PSMD1: variants seen among roughly 807,000 people sequenced by gnomAD.
PSMD1 encodes the protein proteasome 26S subunit, non-ATPase 1.
A neutral mutation model predicts 119.0 loss-of-function variants in PSMD1; 18 were observed. That is an observed-to-expected ratio of 0.15 (90% CI 0.10 to 0.22). PSMD1 has a LOEUF of 0.22. Among genes scored for constraint, PSMD1 ranks in the 10% least tolerant of loss-of-function variants. The pLI, the probability that PSMD1 is intolerant of heterozygous loss-of-function variation, is 1.00. For synonymous variants in PSMD1, 374 were observed against 396.6 expected (o/e 0.94, Z 0.68); for missense variants, 702 against 1,158.5 (o/e 0.61, Z 5.72).
At chr2:231,150,334 G>A (rs1696345761) in intron 18 of PSMD1, among the ~76,000 whole-genome samples, 2 of 151,270 alleles carry the variant, frequency 1.3e-5, no homozygotes, top group Non-Finnish European at 2.9e-5. Context: ...GCGACACAGT[G>A]AGGCTGTCTC....
intron 16 of PSMD1, among the ~76,000 whole-genome samples, chr2:231,122,035 T>A (rs1695562645): frequency 6.6e-6 from 1 of 152,148 alleles, no homozygotes; most frequent in African/African-American, 2.4e-5. Context: ...TATTCAGAAT[T>A]AGGGTTATGT....
In PSMD1 at chr2:231,057,001, C is replaced by T. The variant is rs1207235610; in HGVS notation, c.-25C>T. ...TGCGCAGCTGGAACGGCGAGCGAGCCGACGGGCGAGTGAGGGGCGCAGCCA... is the reference window on the plus strand; with the variant it reads ...TGCGCAGCTGGAACGGCGAGCGAGCTGACGGGCGAGTGAGGGGCGCAGCCA... On this transcript the variant is annotated 5_prime_UTR_variant, in exon 1 of 25. Coordinates refer to ENST00000308696, the MANE Select transcript of PSMD1 (RefSeq NM_002807.4). 1.3e-6 allele frequency: 2 copies of T among 1,540,030 alleles called. No homozygotes were observed. Among genetic ancestry groups the T allele is most frequent in the Non-Finnish European group, 8.7e-7 (1 of 1,144,380 alleles).
At chr2:231,134,278 A>G (rs1410573342) in intron 16 of PSMD1, among the ~76,000 whole-genome samples, 1 of 152,078 alleles carries the variant, frequency 6.6e-6, no homozygotes, top group Non-Finnish European at 1.5e-5. Context: ...TAAAGATTCG[A>G]CTCCCAAAAT....
intron 9 of PSMD1, among the ~76,000 whole-genome samples, chr2:231,077,922 C>G (rs996446009): frequency 6.6e-6 from 1 of 152,108 alleles, no homozygotes; most frequent in Non-Finnish European, 1.5e-5. Context: ...ATCATATAGT[C>G]TCCATTCATG....
At position 231,070,109 on chromosome 2, in the gene PSMD1, A is replaced by C. The variant is rs539145363; in HGVS notation, c.595A>C (p.Arg199=). The change falls in exon 6 of 25, where the codon AGA becomes CGA. Residue 199 remains arginine (R), a synonymous_variant. Transcript: ENST00000308696. ...QNKQFRNKVL[R]VLVKIYMNLE... ...TAAACAGTTTCGGAATAAAGTACTA[A>C]GAGTTCTAGTTAAAATCTACATGAA... is the stretch of plus-strand genomic sequence containing the variant. The C allele has an allele frequency of 1.3e-6, 2 of 1,579,198 alleles. No homozygotes were observed. The highest frequency in any genetic ancestry group is 2.0e-5 in the Admixed American group (1 of 50,902).
Position 231,153,673 on chromosome 2 carries a change from GT to G in PSMD1, c.2218+12del. 6.4e-7 allele frequency: 1 copy of G among 1,556,924 alleles called. No homozygotes were observed. The highest frequency in any genetic ancestry group is 8.8e-7 in the Non-Finnish European group (1 of 1,134,950). On this transcript the variant is annotated splice_region_variant and intron_variant, in intron 19 of 24. Transcript: ENST00000308696. ...CAGGGCATACTGGATGCAGGTAAAT[GT>G]TTTTAAGTCTTCAAGATTTATTTAT...
At chr2:231,067,622 G>A (rs933213732) in intron 5 of PSMD1, among the ~76,000 whole-genome samples, 1 of 151,726 alleles carries the variant, frequency 6.6e-6, no homozygotes, top group Non-Finnish European at 1.5e-5. Flanking sequence ...ACCCTGCCTC[G>A]TTCCCCCTTC....
intron 16 of PSMD1, among the ~76,000 whole-genome samples, chr2:231,104,438 A>G (rs16827784): frequency 0.024 from 3,639 of 152,234 alleles, 150 homozygotes; most frequent in African/African-American, 0.084. Flanking sequence ...TCATAAAACG[A>G]ATCTTTAAGA....
intron 19 of PSMD1, among the ~76,000 whole-genome samples, chr2:231,159,757 C>T (rs1393575014): frequency 6.6e-6 from 1 of 152,170 alleles, no homozygotes; most frequent in African/African-American, 2.4e-5. Flanking sequence ...GGCAGCAGTC[C>T]ACAACCTTTT....
chr2:231,164,605 AGCT>A (rs1232427469), intron 21 of PSMD1, among the ~76,000 whole-genome samples: 3 of 152,100 alleles, frequency 2.0e-5, no homozygotes, highest in Admixed American at 6.6e-5. Flanking sequence ...TTGTTTCATC[AGCT>A]ATGTTTCAGA....
chr2:231,139,457 G>C (rs1233012075), intron 17 of PSMD1, among the ~76,000 whole-genome samples: 1 of 147,554 alleles, frequency 6.8e-6, no homozygotes, highest in East Asian at 2.0e-4. Context: ...ATGTTGCCCA[G>C]GCTGGTCTCA....
chr2:231,075,234 T>C (rs1233665854), intron 7 of PSMD1, among the ~76,000 whole-genome samples: 2 of 152,190 alleles, frequency 1.3e-5, no homozygotes, highest in African/African-American at 4.8e-5. Context: ...TACCTGACTG[T>C]GTTTTGTGAA....
chr2:231,093,620 T>C (rs1694653264), intron 16 of PSMD1, among the ~76,000 whole-genome samples: 1 of 152,196 alleles, frequency 6.6e-6, no homozygotes, highest in Non-Finnish European at 1.5e-5. Context: ...ACTATTTACA[T>C]TTTTCCATTA....
intron 16 of PSMD1, among the ~76,000 whole-genome samples, chr2:231,130,992 T>C (rs1015850944): frequency 6.6e-6 from 1 of 152,212 alleles, no homozygotes; most frequent in Non-Finnish European, 1.5e-5. Context: ...TACTAATGAT[T>C]TAATGTATTT....
chr2:231,058,170 C>T (rs1274834369), intron 1 of PSMD1, among the ~76,000 whole-genome samples: 2 of 152,144 alleles, frequency 1.3e-5, no homozygotes, highest in Non-Finnish European at 2.9e-5. Context: ...GAAGTTTTTC[C>T]AGTCAGAGCT....
chr2:231,143,724 C>T (rs998047798), intron 17 of PSMD1, among the ~76,000 whole-genome samples: 3 of 152,172 alleles, frequency 2.0e-5, no homozygotes, highest in Non-Finnish European at 4.4e-5. Flanking sequence ...ACAGTGTATA[C>T]ATATATTTTG....
Position 231,057,040 on chromosome 2 carries a change from C to G in PSMD1, c.15C>G (p.Ala5=). 1 of 1,531,472 alleles carries G rather than the reference C, an allele frequency of 6.5e-7. No individual in the cohort carries two copies. The highest frequency in any genetic ancestry group is 1.2e-5 in the South Asian group (1 of 83,336). 94.9% of individuals were successfully genotyped at this position (1,531,472 alleles called of 1,614,324 possible). The change falls in exon 1 of 25, where the codon GCC becomes GCG. Residue 5 remains alanine (A), a splice_region_variant and synonymous_variant. Coordinates refer to ENST00000308696, the MANE Select transcript of PSMD1 (RefSeq NM_002807.4). MITS[A]AGIISLLDED... ...GGGGCGCAGCCATGATCACCTCGGC[C>G]GGTGAGTGCGGCCCGTAGCCAGCGC...
At chr2:231,104,621 T>G (rs1694938018) in intron 16 of PSMD1, among the ~76,000 whole-genome samples, 1 of 151,918 alleles carries the variant, frequency 6.6e-6, no homozygotes, top group African/African-American at 2.4e-5. Context: ...AGTATTCACA[T>G]TTTTTTTAAA....
intron 1 of PSMD1, among the ~76,000 whole-genome samples, chr2:231,057,837 G>A (rs1395124641): frequency 6.6e-6 from 1 of 152,248 alleles, no homozygotes; most frequent in Non-Finnish European, 1.5e-5. Context: ...CCCCGTTACA[G>A]ATTGACTTGC....
Sources: allele counts gnomAD v4.1 joint callset (sites outside exome capture counted in the v4.1 genomes callset), GRCh38; gene constraint gnomAD v4.1.1; transcripts MANE v1.5; gene names NCBI Gene and HGNC (gene_info 2026-07-23, HGNC 2026-07-21).